The following NAV2 variants were observed in gnomAD, a reference collection of about 807,000 sequenced individuals.
NAV2 encodes neuron navigator 2, also known as helicase, APC down-regulated 1.
Under a neutral mutation model 223.2 loss-of-function variants are expected in NAV2, and 54 were observed. The ratio of observed to expected loss-of-function variants is 0.24; its 90% CI spans 0.19 to 0.30. NAV2 has a LOEUF of 0.30. Among genes scored for constraint, NAV2 ranks in the 10% least tolerant of loss-of-function variants. The pLI is 1.00. For missense variants in NAV2, 2,806 were observed against 3,147.5 expected (o/e 0.89, Z 2.60); for synonymous variants, 1,279 against 1,239.3 (o/e 1.03, Z -0.67).
intron 1 of NAV2, among the ~76,000 whole-genome samples, chr11:19,807,288 C>G (rs919306343): frequency 1.3e-5 from 2 of 152,194 alleles, no homozygotes; most frequent in Admixed American, 6.5e-5. Context: ...GGTCAGAACC[C>G]TGAAGCAGGA....
intron 1 of NAV2, among the ~76,000 whole-genome samples, chr11:19,535,005 A>G (rs1188885842): frequency 6.6e-6 from 1 of 152,318 alleles, no homozygotes; most frequent in East Asian, 1.9e-4. Context: ...TCCTTAGCAC[A>G]GTGCCTGGGA....
At chr11:19,846,222 C>T (rs1442296104) in intron 3 of NAV2, among the ~76,000 whole-genome samples, 1 of 152,166 alleles carries the variant, frequency 6.6e-6, no homozygotes, top group South Asian at 2.1e-4. Flanking sequence ...AATCATGGAT[C>T]CCACAGAGGA....
At chr11:20,078,721 G>A (rs1488626225) in intron 24 of NAV2, among the ~76,000 whole-genome samples, 2 of 152,228 alleles carry the variant, frequency 1.3e-5, no homozygotes, top group East Asian at 3.8e-4. Context: ...GCCTCCGAAA[G>A]TGCTAGGATT....
At chr11:19,405,805 T>C (rs2133351164) in intron 1 of NAV2, among the ~76,000 whole-genome samples, 1 of 152,336 alleles carries the variant, frequency 6.6e-6, no homozygotes, top group Non-Finnish European at 1.5e-5. Flanking sequence ...GGGAACATGA[T>C]TGTTCTCATT....
At chr11:19,785,663 G>A (rs2057058472) in intron 1 of NAV2, among the ~76,000 whole-genome samples, 4 of 121,354 alleles carry the variant, frequency 3.3e-5, no homozygotes, top group Admixed American at 2.3e-4. Context: ...TTTTTTTAAA[G>A]CACTAATTGC....
intron 20 of NAV2, among the ~76,000 whole-genome samples, chr11:20,062,968 C>A (rs1297370945): frequency 6.6e-6 from 1 of 152,246 alleles, no homozygotes; most frequent in African/African-American, 2.4e-5. Flanking sequence ...GCTGGCATTA[C>A]AGGCGTGAGC....
chr11:19,831,250 T>A (rs1038339937), intron 1 of NAV2, among the ~76,000 whole-genome samples: 2 of 5,012 alleles, frequency 4.0e-4, no homozygotes, highest in African/African-American at 7.5e-4. Context: ...CGATGGGGAG[T>A]GGGGGGGGAT....
At chr11:19,654,465 A>G (rs56673283) in intron 1 of NAV2, among the ~76,000 whole-genome samples, 2,969 of 152,134 alleles carry the variant, frequency 0.02, 88 homozygotes, top group African/African-American at 0.068. Flanking sequence ...CAAAGCTGGA[A>G]GCATCATGCT....
intron 1 of NAV2, among the ~76,000 whole-genome samples, chr11:19,615,370 A>C (rs2046761849): frequency 6.6e-6 from 1 of 152,042 alleles, no homozygotes; most frequent in African/African-American, 2.4e-5. Flanking sequence ...AATGGGGATA[A>C]TAATAGTATG....
At chr11:19,782,756 T>A (rs1430865066) in intron 1 of NAV2, among the ~76,000 whole-genome samples, 1 of 152,152 alleles carries the variant, frequency 6.6e-6, no homozygotes, top group Non-Finnish European at 1.5e-5. Flanking sequence ...ATAAGAGCAA[T>A]AGCCAGGGAG....
chr11:20,068,336 C>T lies in NAV2; in HGVS notation c.4921C>T (p.Arg1641Trp), dbSNP rs151080998. ...TTGTCATCTTTAGATTCGCAAGCTG[C>T]GGCGGGAACTGGATGCCTCCCAGGA... ...EKCQSEIRKL[R>W]RELDASQEKV... is the part of the protein sequence containing the mutation. The change falls in exon 22 of 38, where the codon CGG (arginine) becomes TGG (tryptophan). Residue 1641 changes from arginine to tryptophan, a missense_variant. By Grantham distance (101) the Arg-to-Trp change is moderately radical. Coordinates refer to ENST00000349880, the MANE Select transcript of NAV2 (RefSeq NM_145117.5). 1.1e-5 allele frequency: 18 copies of T among 1,614,072 alleles called. No individual in the cohort carries two copies. The highest frequency in any genetic ancestry group is 1.1e-4 in the South Asian group (10 of 91,084).
At chr11:20,092,184 G>T (rs1315693260) in intron 27 of NAV2, 22 bp from the exon 28 acceptor site, 1 of 1,605,260 alleles carries the variant, frequency 6.2e-7, no homozygotes, top group South Asian at 1.1e-5. Context: ...TACTAAGGGA[G>T]CTTCTCCATT....
chr11:19,378,104 C>A (rs1038870636), intron 1 of NAV2, among the ~76,000 whole-genome samples: 1 of 152,128 alleles, frequency 6.6e-6, no homozygotes, highest in African/African-American at 2.4e-5. Context: ...CTTCTCAGAG[C>A]GTATGTATGA....
chr11:19,694,659 G>T (rs1169274177), intron 1 of NAV2, among the ~76,000 whole-genome samples: 1 of 152,188 alleles, frequency 6.6e-6, no homozygotes, highest in African/African-American at 2.4e-5. Flanking sequence ...AATGCCCTTA[G>T]TCACTGGGGT....
chr11:19,410,917 T>C (rs1018969070), intron 1 of NAV2, among the ~76,000 whole-genome samples: 2 of 152,162 alleles, frequency 1.3e-5, no homozygotes, highest in African/African-American at 4.8e-5. Context: ...AGAGAGCAGC[T>C]TGACATCAAA....
chr11:19,970,586 G>T (rs1409613123), intron 10 of NAV2, among the ~76,000 whole-genome samples: 1 of 152,094 alleles, frequency 6.6e-6, no homozygotes, highest in South Asian at 2.1e-4. Context: ...CAAAAGTATT[G>T]GTTCTGAAAT....
At position 19,426,654 on chromosome 11, in the gene NAV2, T is replaced by G. The variant is rs540475874; in HGVS notation, c.75+75627T>G. 1.3e-3 allele frequency among the ~76,000 whole-genome samples: 197 copies of G among 152,088 alleles called. 1 individual carries two copies. The highest frequency in any genetic ancestry group is 4.4e-3 in the African/African-American group (183 of 41,468). On this transcript the variant is annotated intron_variant, in intron 1 of 37. Coordinates refer to the NAV2 transcript ENST00000360655. The stretch of plus-strand genomic sequence containing the variant: ...AGGGAAACCAAATAGGCCATAGCCA[T>G]TGAGAACCTCTTTTCAGGCTTAGAG...
At chr11:19,618,585 A>G (rs2046884090) in intron 1 of NAV2, among the ~76,000 whole-genome samples, 2 of 152,114 alleles carry the variant, frequency 1.3e-5, no homozygotes, top group Non-Finnish European at 2.9e-5. Context: ...AGGAGAAGCA[A>G]TGGGAACAGT....
intron 1 of NAV2, among the ~76,000 whole-genome samples, chr11:19,630,928 A>AT (rs2047324715): frequency 6.7e-6 from 1 of 150,336 alleles, no homozygotes; most frequent in South Asian, 2.1e-4. Flanking sequence ...GTTGCAAAAA[A>AT]AAAAAAAAAG....
Sources: gnomAD v4.1 joint callset for allele counts (sites outside exome capture counted in the v4.1 genomes callset) on GRCh38, gnomAD v4.1.1 for gene constraint, MANE v1.5 for transcripts, NCBI Gene and HGNC (gene_info 2026-07-23, HGNC 2026-07-21) for gene names.